Variants in PCDH9 observed in about 807,000 individuals in gnomAD.
PCDH9 encodes protocadherin-9.
PCDH9 carries 24 observed loss-of-function variants against 70.6 expected under a neutral mutation model. The ratio of observed to expected loss-of-function variants is 0.34; its 90% CI spans 0.25 to 0.48. PCDH9 has a LOEUF of 0.48. PCDH9 is among the 20% of genes least tolerant of loss of function. The pLI is 0.99. For missense variants in PCDH9, 1,281 were observed against 1,503.6 expected (o/e 0.85, Z 2.45); for synonymous variants, 562 against 558.5 (o/e 1.01, Z -0.09).
chr13:66,513,273 A>AT (rs976733777), intron 4 of PCDH9, among the ~76,000 whole-genome samples: 1 of 117,794 alleles, frequency 8.5e-6, no homozygotes, highest in Non-Finnish European at 1.8e-5. Flanking sequence ...TCCTTTTATT[A>AT]TTTTTTTTCA....
chr13:67,026,440 T>A (rs1039934189), intron 2 of PCDH9, among the ~76,000 whole-genome samples: 4 of 152,154 alleles, frequency 2.6e-5, no homozygotes, highest in South Asian at 2.1e-4. Flanking sequence ...ATCTATGACA[T>A]ACCCACAGCC....
intron 4 of PCDH9, among the ~76,000 whole-genome samples, chr13:66,499,210 T>C (rs930839573): frequency 1.3e-5 from 2 of 152,110 alleles, no homozygotes; most frequent in Non-Finnish European, 1.5e-5. Context: ...AGAAAGATGA[T>C]ATTTAAATGG....
chr13:67,049,914 A>C (rs2085291805), intron 2 of PCDH9, among the ~76,000 whole-genome samples: 2 of 152,224 alleles, frequency 1.3e-5, no homozygotes, highest in African/African-American at 4.8e-5. Context: ...TCCAACAGTT[A>C]GTGTTTGTTC....
chr13:66,891,816 A>ATTT (rs112732868), intron 3 of PCDH9, among the ~76,000 whole-genome samples: 114 of 147,692 alleles, frequency 7.7e-4, no homozygotes, highest in African/African-American at 2.6e-3. Flanking sequence ...CATGTATTCC[A>ATTT]TTTTTTTTTT....
At chr13:66,319,044 G>T (rs1461677739) in intron 4 of PCDH9, among the ~76,000 whole-genome samples, 1 of 152,142 alleles carries the variant, frequency 6.6e-6, no homozygotes, top group Admixed American at 6.6e-5. Context: ...AAGGAAAGAG[G>T]TTTAATTGAC....
In PCDH9 at chr13:66,843,193, T is replaced by A. The variant is rs550994076; in HGVS notation, c.3138+60311A>T. On this transcript the variant is annotated intron_variant, in intron 3 of 4. Transcript: ENST00000377865. ...TGCTACTGTATTCCCTGCTTTGAGA[T>A]TTAAGTGGTTGTATTTTACATGTAG... Among the ~76,000 whole-genome samples the A allele has an allele frequency of 3.9e-5, 6 of 152,292 alleles. No individual in the cohort carries two copies. In the South Asian group the frequency reaches 1.2e-3, roughly 32 times the overall value.
At position 66,496,463 on chromosome 13, in the gene PCDH9, A is replaced by G. The variant is rs578117038; in HGVS notation, c.3340+134747T>C. On this transcript the variant is annotated intron_variant, in intron 4 of 4. Transcript: ENST00000377865. ...ATTTCCTCCTCTCAAGGTTGACACT[A>G]TGCCCCTAGTACAAGTTATTACTTC... 2.0e-5 allele frequency among the ~76,000 whole-genome samples: 3 copies of G among 152,290 alleles called. No individual in the cohort carries two copies. The South Asian group carries it at 6.2e-4, about 32-fold the overall frequency.
At chr13:67,182,044 G>A (rs2138485622) in intron 2 of PCDH9, among the ~76,000 whole-genome samples, 1 of 152,226 alleles carries the variant, frequency 6.6e-6, no homozygotes, top group Admixed American at 6.5e-5. Flanking sequence ...TCAAGGCTCT[G>A]CCCCTGGATC....
intron 3 of PCDH9, among the ~76,000 whole-genome samples, chr13:66,738,410 C>G (rs1261171352): frequency 1.3e-5 from 2 of 151,880 alleles, no homozygotes; most frequent in African/African-American, 4.8e-5. Context: ...GACAGAAAAA[C>G]TGGAAACTGT....
At chr13:66,952,599 G>T (rs1437537592) in intron 2 of PCDH9, among the ~76,000 whole-genome samples, 1 of 152,130 alleles carries the variant, frequency 6.6e-6, no homozygotes. Context: ...TGATTTAAGA[G>T]GTATCAGTTA....
intron 3 of PCDH9, among the ~76,000 whole-genome samples, chr13:66,861,284 A>C (rs1254179730): frequency 6.6e-6 from 1 of 152,226 alleles, no homozygotes; most frequent in African/African-American, 2.4e-5. Flanking sequence ...CCCTTGGGAT[A>C]CTGGGGTGAT....
intron 3 of PCDH9, among the ~76,000 whole-genome samples, chr13:66,737,811 G>A (rs113291664): frequency 0.017 from 2,545 of 152,240 alleles, 27 homozygotes; most frequent in Non-Finnish European, 0.025. Flanking sequence ...GGCGCACCAC[G>A]AGACTATATC....
chr13:67,203,497 G>C (rs1347501873), intron 2 of PCDH9: 1 of 151,934 alleles, frequency 6.6e-6, no homozygotes, highest in Non-Finnish European at 1.5e-5. Flanking sequence ...AAAAAACTAT[G>C]CTTTAAAAAA....
intron 4 of PCDH9, among the ~76,000 whole-genome samples, chr13:66,486,994 A>T (rs2138522990): frequency 6.6e-6 from 1 of 152,128 alleles, no homozygotes; most frequent in South Asian, 2.1e-4. Flanking sequence ...CATATACATA[A>T]TTTTTTTTCA....
rs144523172 is a variant in PCDH9 at position 66,942,882 on chromosome 13, C to T, written c.3037-39277G>A. On this transcript the variant is annotated intron_variant, in intron 2 of 4. Transcript: ENST00000377865. ...TGACTACCCATAGAAAAACTGACCA[C>T]AGATTCTGTGTTAAAATGTTTGGAA... is the stretch of plus-strand genomic sequence containing the variant. 1.7e-3 allele frequency among the ~76,000 whole-genome samples: 257 copies of T among 152,238 alleles called. 1 individual carries two copies. Among genetic ancestry groups the T allele is most frequent in the African/African-American group, 5.7e-3 (236 of 41,576 alleles).
At chr13:67,073,464 T>C (rs565214952) in intron 2 of PCDH9, among the ~76,000 whole-genome samples, 33 of 152,160 alleles carry the variant, frequency 2.2e-4, no homozygotes, top group Middle Eastern at 3.4e-3. Flanking sequence ...AGTTGACTAA[T>C]TGAATTGTGG....
chr13:66,346,321 A>G (rs567529755), intron 4 of PCDH9, among the ~76,000 whole-genome samples: 10 of 152,390 alleles, frequency 6.6e-5, no homozygotes, highest in African/African-American at 2.4e-4. Context: ...CATGACGAGC[A>G]CACAACCACG....
intron 3 of PCDH9, among the ~76,000 whole-genome samples, chr13:66,751,047 G>A (rs1209830509): frequency 2.6e-5 from 4 of 151,990 alleles, no homozygotes; most frequent in Non-Finnish European, 4.4e-5. Context: ...AATTGACTTC[G>A]ACATTCTCAT....
intron 2 of PCDH9, among the ~76,000 whole-genome samples, chr13:66,927,694 C>T (rs1404368157): frequency 2.0e-5 from 3 of 151,996 alleles, no homozygotes; most frequent in Non-Finnish European, 4.4e-5. Context: ...TTTTTCTTTA[C>T]ATGTTCTTCC....
Sources: gnomAD v4.1 joint callset for allele counts (sites outside exome capture counted in the v4.1 genomes callset) on GRCh38, gnomAD v4.1.1 for gene constraint, MANE v1.5 for transcripts, NCBI Gene and HGNC (gene_info 2026-07-23, HGNC 2026-07-21) for gene names.